The following CPS1 variants were observed in gnomAD, a reference collection of about 807,000 sequenced individuals.
CPS1 encodes the protein carbamoyl-phosphate synthase 1, also known as carbamoyl-phosphate synthase [ammonia], mitochondrial.
A neutral mutation model predicts 174.6 loss-of-function variants in CPS1; 109 were observed. That is an observed-to-expected ratio of 0.62 (90% CI 0.53 to 0.73). The LOEUF is 0.73. Among genes scored for constraint, CPS1 ranks in the 30% least tolerant of loss-of-function variants. CPS1 has a pLI of 0.00. For missense variants in CPS1, 1,689 were observed against 1,821.9 expected (o/e 0.93, Z 1.33); for synonymous variants, 637 against 632.0 (o/e 1.01, Z -0.12).
intron 5 of CPS1, among the ~76,000 whole-genome samples, chr2:210,582,243 A>AT (rs994226699): frequency 9.2e-5 from 14 of 151,908 alleles, no homozygotes; most frequent in Admixed American, 2.6e-4. Context: ...GTCTCAATAG[A>AT]TTTTTTTTGT....
chr2:210,624,201 A>G (rs1417085794), intron 21 of CPS1, among the ~76,000 whole-genome samples: 16 of 152,100 alleles, frequency 1.1e-4, no homozygotes, highest in Non-Finnish European at 2.9e-5. Context: ...GTCTTCTCAT[A>G]TTACTACTAA....
intron 21 of CPS1, among the ~76,000 whole-genome samples, chr2:210,635,840 T>G (rs996354778): frequency 6.6e-6 from 1 of 152,120 alleles, no homozygotes; most frequent in Non-Finnish European, 1.5e-5. Context: ...CAGAAGAGAA[T>G]TTAGGTGCAA....
intron 1 of CPS1, among the ~76,000 whole-genome samples, chr2:210,481,223 C>G (rs1434884604): frequency 1.3e-5 from 2 of 152,170 alleles, no homozygotes; most frequent in African/African-American, 4.8e-5. Context: ...CCACCTAACA[C>G]TTGTGATGGG....
At chr2:210,489,895 G>A (rs1461880610) in intron 1 of CPS1, among the ~76,000 whole-genome samples, 1 of 151,826 alleles carries the variant, frequency 6.6e-6, no homozygotes, top group Non-Finnish European at 1.5e-5. Context: ...CTACTTGGGA[G>A]GCTGAGGCAG....
intron 37 of CPS1, among the ~76,000 whole-genome samples, chr2:210,677,424 C>A (rs564271753): frequency 6.6e-6 from 1 of 152,266 alleles, no homozygotes. Context: ...AATAAAGATA[C>A]AAACTTTTAT....
At chr2:210,538,562 G>T (rs919099693) in intron 1 of CPS1, among the ~76,000 whole-genome samples, 2 of 151,952 alleles carry the variant, frequency 1.3e-5, no homozygotes, top group South Asian at 4.2e-4. Flanking sequence ...TGTTTTCTCA[G>T]GTAATGACAT....
upstream of CPS1, chr2:210,555,769 AG>A (rs1696894660): frequency 2.4e-6 from 1 of 425,428 alleles, no homozygotes; most frequent in Non-Finnish European, 4.8e-6. Context: ...TCTGCCAGCC[AG>A]TGAGGCCCCT....
intron 1 of CPS1, among the ~76,000 whole-genome samples, chr2:210,507,565 T>C (rs1300302580): frequency 6.6e-6 from 1 of 151,654 alleles, no homozygotes; most frequent in Non-Finnish European, 1.5e-5. Context: ...ATGCTCCAAT[T>C]AAAAGACACA....
chr2:210,591,625 A>G (rs952937204), intron 9 of CPS1, among the ~76,000 whole-genome samples: 5 of 152,048 alleles, frequency 3.3e-5, no homozygotes, highest in Admixed American at 1.3e-4. Flanking sequence ...CGTATTTAAC[A>G]CACAACAAAG....
rs1003275451 is a variant in CPS1 at position 210,577,234 on chromosome 2, A to C, written c.382-187A>C. 1.3e-4 allele frequency: 82 copies of C among 612,854 alleles called. 1 individual carries two copies. The African/African-American group carries it at 1.4e-3, about 11-fold the overall frequency. 38.0% of individuals were successfully genotyped at this position (612,854 alleles called of 1,614,324 possible). The stretch of plus-strand genomic sequence containing the variant: ...AGGTAAGCCTGCTCCCTCTCAGGAT[A>C]ATTAATGCAACAATTACATATTTTA... On this transcript the variant is annotated intron_variant, in intron 3 of 37. Coordinates refer to ENST00000233072, the MANE Select transcript of CPS1 (RefSeq NM_001875.5).
chr2:210,648,760 A>G (rs1014413855), intron 27 of CPS1, among the ~76,000 whole-genome samples: 1 of 152,212 alleles, frequency 6.6e-6, no homozygotes, highest in African/African-American at 2.4e-5. Flanking sequence ...TTCTTCATCT[A>G]GAAGTGTAGT....
chr2:210,642,712 T>A lies in CPS1; in HGVS notation c.3141+47T>A, dbSNP rs1343939052. 5.2e-6 allele frequency: 8 copies of A among 1,527,106 alleles called. No homozygotes were observed. In the East Asian group the frequency reaches 9.2e-5, roughly 18 times the overall value. 94.6% of individuals were successfully genotyped at this position (1,527,106 alleles called of 1,614,324 possible). A position where few individuals can be genotyped will look rare whatever the true frequency, so the allele number is the denominator to read the frequency against. On this transcript the variant is annotated intron_variant, in intron 25 of 37. Coordinates refer to ENST00000233072, the MANE Select transcript of CPS1 (RefSeq NM_001875.5). Reference sequence around the variant, plus strand: ...AAAAAGAAAAAAGAAGACAGATATATGTAGTATACACTTTATATATATGCA... The same window carrying A: ...AAAAAGAAAAAAGAAGACAGATATAAGTAGTATACACTTTATATATATGCA...
At chr2:210,601,122 C>T (rs902805341) in intron 15 of CPS1, among the ~76,000 whole-genome samples, 1 of 151,790 alleles carries the variant, frequency 6.6e-6, no homozygotes, top group Non-Finnish European at 1.5e-5. Context: ...ATAAAATAAA[C>T]ATTTTAGAAT....
At chr2:210,564,238 T>C (rs1049904946) in intron 1 of CPS1, among the ~76,000 whole-genome samples, 1 of 152,056 alleles carries the variant, frequency 6.6e-6, no homozygotes, top group African/African-American at 2.4e-5. Context: ...ACCAAAACAA[T>C]TGAGAGTTTA....
At chr2:210,538,788 A>G (rs1696325099) in intron 1 of CPS1, among the ~76,000 whole-genome samples, 1 of 152,144 alleles carries the variant, frequency 6.6e-6, no homozygotes, top group Non-Finnish European at 1.5e-5. Flanking sequence ...TTAGCTTCAT[A>G]TATTTTATCG....
At chr2:210,499,975 A>G (rs1200072390) in intron 1 of CPS1, among the ~76,000 whole-genome samples, 2 of 152,118 alleles carry the variant, frequency 1.3e-5, no homozygotes, top group Non-Finnish European at 2.9e-5. Context: ...TAATTGACTC[A>G]CAGTTATCCA....
intron 1 of CPS1, among the ~76,000 whole-genome samples, chr2:210,521,776 T>C (rs1362660850): frequency 6.6e-6 from 1 of 151,986 alleles, no homozygotes; most frequent in Non-Finnish European, 1.5e-5. Context: ...TCCAGGTTAG[T>C]TTTGATTGAC....
intron 1 of CPS1, among the ~76,000 whole-genome samples, chr2:210,519,135 C>G (rs982894463): frequency 6.6e-6 from 1 of 151,954 alleles, no homozygotes; most frequent in Non-Finnish European, 1.5e-5. Flanking sequence ...GTTCCTTGCT[C>G]TTTGTATAAC....
chr2:210,583,872 G>T (rs924761973), intron 6 of CPS1, among the ~76,000 whole-genome samples: 2 of 152,080 alleles, frequency 1.3e-5, no homozygotes, highest in African/African-American at 2.4e-5. Context: ...TAACTTATCA[G>T]AACAAAACTC....
Sources: gnomAD v4.1 joint callset for allele counts (sites outside exome capture counted in the v4.1 genomes callset) on GRCh38, gnomAD v4.1.1 for gene constraint, MANE v1.5 for transcripts, NCBI Gene and HGNC (gene_info 2026-07-23, HGNC 2026-07-21) for gene names.